Variants in ZNF397 observed in about 807,000 individuals in gnomAD.
ZNF397 encodes the protein zinc finger and SCAN domain-containing protein 15.
In ZNF397, 38 loss-of-function variants were observed where a neutral mutation model predicts 50.6. That is an observed-to-expected ratio of 0.75 (90% confidence interval 0.58 to 0.98). The LOEUF is 0.98. Ranked by LOEUF, ZNF397 falls within the 50% of genes least tolerant of loss-of-function variation. The probability of loss-of-function intolerance (pLI) is 0.00; values close to 1 mark genes in which losing one functional copy is unlikely to be tolerated. For synonymous variants in ZNF397, 228 were observed against 215.2 expected (o/e 1.06, Z -0.52); for missense variants, 624 against 624.1 (o/e 1.00, Z 0.00).
chr18:35,257,793 C>T (rs1038807622), intron 5 of ZNF397: 1 of 740,416 alleles, frequency 1.4e-6, no homozygotes, highest in African/African-American at 1.7e-5. Context: ...CAAGAAGAGA[C>T]AACTCTGCAG....
Position 35,242,645 on chromosome 18 carries a change from CA to C in ZNF397, c.176del (p.Gln59ArgfsTer10). ...FRQQFRKFCY[Q>X]ETPGPREALS... is the part of the protein sequence containing the mutation. ...TCAGCAATTCAGAAAATTTTGCTAC[CA>C]GGAGACACCTGGGCCCCGGGAGGCT... On this transcript the variant is annotated frameshift_variant, in exon 2 of 4. Coordinates refer to ENST00000330501, the MANE Select transcript of ZNF397 (RefSeq NM_001135178.3). LOFTEE classifies it high-confidence loss of function. 1 of 1,614,186 alleles carries C rather than the reference CA, an allele frequency of 6.2e-7. No homozygotes were observed. Among genetic ancestry groups the C allele is most frequent in the Non-Finnish European group, 8.5e-7 (1 of 1,180,036 alleles).
At chr18:35,252,422 A>G (rs1018541362), downstream of ZNF397, 9 of 152,128 alleles carry the variant, frequency 5.9e-5, no homozygotes, top group African/African-American at 2.2e-4. Context: ...TTCCCTGCCC[A>G]CACCCCTCCT....
intron 5 of ZNF397, among the ~76,000 whole-genome samples, chr18:35,256,874 A>C (rs2043842251): frequency 2.0e-5 from 3 of 152,168 alleles, no homozygotes; most frequent in African/African-American, 7.2e-5. Context: ...CCTGGACTCA[A>C]GGGATCCTCC....
Position 35,246,581 on chromosome 18 carries a change from TTG to T in ZNF397, c.*272_*273del, listed in dbSNP as rs2043486503. On this transcript the variant is annotated 3_prime_UTR_variant, in exon 4 of 4. Coordinates refer to ENST00000330501, the MANE Select transcript of ZNF397 (RefSeq NM_001135178.3). ...AAATACGAAAAGTGGGAATGTAACA[TTG>T]AAACCTCATTTTGTATGAAAGTGTC... is the stretch of plus-strand genomic sequence containing the variant. 1 of 1,214,064 alleles carries T rather than the reference TTG, an allele frequency of 8.2e-7. No homozygotes were observed. Among genetic ancestry groups the T allele is most frequent in the African/African-American group, 1.6e-5 (1 of 63,542 alleles). The allele number at this position is 1,214,064 out of a possible 1,614,324, so 75.2% of individuals were successfully genotyped here. A position where few individuals can be genotyped will look rare whatever the true frequency, so the allele number is the denominator to read the frequency against.
chr18:35,258,030 C>T, exon 6 of ZNF397: 1 of 779,998 alleles, frequency 1.3e-6, no homozygotes, highest in South Asian at 1.3e-5. Flanking sequence ...GAAGCACCTA[C>T]AAGAAACTTA....
rs2043493112 is a variant in ZNF397, at chr18:35,246,983, A to G, written c.*673A>G. The G allele has an allele frequency of 1.2e-6, 1 of 861,076 alleles. No individual in the cohort carries two copies. The highest frequency in any genetic ancestry group is 6.2e-5 in the Admixed American group (1 of 16,122). The allele number at this position is 861,076 out of a possible 1,614,324, so 53.3% of individuals were successfully genotyped here. A position where few individuals can be genotyped will look rare whatever the true frequency, so the allele number is the denominator to read the frequency against. On this transcript the variant is annotated 3_prime_UTR_variant, in exon 4 of 4. Coordinates refer to ENST00000330501, the MANE Select transcript of ZNF397 (RefSeq NM_001135178.3). ...AGTGGAATGCTCCTATGTGACCTTA[A>G]GGAGCACCTGACTCAGCCTTGGATA...
chr18:35,250,701 G>C (rs915374865), downstream of ZNF397, among the ~76,000 whole-genome samples: 1 of 152,130 alleles, frequency 6.6e-6, no homozygotes, highest in African/African-American at 2.4e-5. Flanking sequence ...TCTAAGCTTG[G>C]TCCTTCTCAG....
At chr18:35,243,118 T>G (rs781250138) in intron 2 of ZNF397, 34 bp from the exon 3 acceptor site, 139 of 1,611,302 alleles carry the variant, frequency 8.6e-5, no homozygotes, top group Non-Finnish European at 1.1e-4. Context: ...TTAGGGATTT[T>G]CTCACAAAGC....
chr18:35,246,047 A>G lies in ZNF397; in HGVS notation c.1342A>G (p.Ser448Gly), dbSNP rs773278899. The stretch of plus-strand genomic sequence containing the variant: ...GCTGATTACTCATCAGAGAATACAT[A>G]GTGGAGAGAAACCCTATGAATGTAG... ...SELITHQRIH[S>G]GEKPYECSEC... Residue 448 changes from serine (S) to glycine (G), a missense_variant, in exon 4 of 4, where the codon AGT becomes GGT. Physicochemically the swap from Ser to Gly is moderately conservative, Grantham distance 56. Coordinates refer to ENST00000330501, the MANE Select transcript of ZNF397 (RefSeq NM_001135178.3). The G allele has an allele frequency of 1.3e-6, 2 of 1,563,994 alleles. No homozygotes were observed. Among genetic ancestry groups the G allele is most frequent in the African/African-American group, 1.4e-5 (1 of 73,448 alleles).
intron 3 of ZNF397, among the ~76,000 whole-genome samples, chr18:35,244,793 GC>G (rs2143591535): frequency 6.6e-6 from 1 of 152,190 alleles, no homozygotes; most frequent in East Asian, 1.9e-4. Context: ...GGACAGTAAG[GC>G]AGAAACCAGA....
Position 35,245,258 on chromosome 18 carries a change from T to G in ZNF397, c.557-4T>G. On this transcript the variant is annotated splice_region_variant and splice_polypyrimidine_tract_variant and intron_variant, in intron 3 of 3. Transcript: ENST00000330501. ...ATCTGTTTTTTTGCTACTTATTGTT[T>G]CAGATTGTGAGAACAGTGAAACAGC... The G allele has an allele frequency of 6.3e-7, 1 of 1,581,538 alleles. No homozygotes were observed. Among genetic ancestry groups the G allele is most frequent in the East Asian group, 2.3e-5 (1 of 44,358 alleles).
rs1324660943 is a variant in ZNF397, at chr18:35,247,342, CATGAGGGTGGTGGTGGGA to C, written c.*1042_*1059del. 2 of 184,900 alleles carry C rather than the reference CATGAGGGTGGTGGTGGGA, an allele frequency of 1.1e-5. No homozygotes were observed. The highest frequency in any genetic ancestry group is 4.8e-5 in the African/African-American group (2 of 42,046). The allele number at this position is 184,900 out of a possible 1,614,324, so 11.5% of individuals were successfully genotyped here. A position where few individuals can be genotyped will look rare whatever the true frequency, so the allele number is the denominator to read the frequency against. On this transcript the variant is annotated 3_prime_UTR_variant, in exon 4 of 4. Coordinates refer to ENST00000330501, the MANE Select transcript of ZNF397 (RefSeq NM_001135178.3). ...AACCTGTAGGCTATCCTAGAACTTC[CATGAGGGTGGTGGTGGGA>C]ATGAGGGTGAGAAAGAGCCCAGCCT...
chr18:35,254,258 T>C, downstream of ZNF397: 1 of 1,614,164 alleles, frequency 6.2e-7, no homozygotes, highest in Non-Finnish European at 8.5e-7. Context: ...CAAAGCTTCT[T>C]CAGCTATCCG....
intron 3 of ZNF397, chr18:35,244,180 T>G (rs1375473272): frequency 6.5e-6 from 1 of 154,434 alleles, no homozygotes; most frequent in African/African-American, 2.4e-5. Flanking sequence ...CAACAGCATT[T>G]AAGTTGTTTT....
intron 3 of ZNF397, among the ~76,000 whole-genome samples, chr18:35,244,308 A>G (rs961548078): frequency 7.0e-4 from 107 of 152,252 alleles, no homozygotes; most frequent in African/African-American, 2.3e-3. Context: ...ATGAGAAAAC[A>G]TAAGGAAAAA....
chr18:35,246,431 T>C lies in ZNF397; in HGVS notation c.*121T>C. 6.9e-7 allele frequency: 1 copy of C among 1,449,280 alleles called. No individual in the cohort carries two copies. Among genetic ancestry groups the C allele is most frequent in the Non-Finnish European group, 9.1e-7 (1 of 1,103,236 alleles). 89.8% of individuals were successfully genotyped at this position (1,449,280 alleles called of 1,614,324 possible). ...TAAAATACTAGGTCTTGAGTCTAGC[T>C]TGCTTTGTGCAGCATTTCCCAGTGC... On this transcript the variant is annotated 3_prime_UTR_variant, in exon 4 of 4. Transcript: ENST00000330501.
Position 35,245,446 on chromosome 18 carries a change from C to G in ZNF397, c.741C>G (p.Ile247Met). ...PSQGGSFSQV[I>M]FTNKSLGKRD... ...AAGGGGGCAGTTTTAGTCAAGTGATCTTCACAAACAAATCTCTAGGAAAGA... is the reference window on the plus strand; with the variant it reads ...AAGGGGGCAGTTTTAGTCAAGTGATGTTCACAAACAAATCTCTAGGAAAGA... The change falls in exon 4 of 4, where the codon ATC becomes ATG. Residue 247 changes from isoleucine (I) to methionine (M), a missense_variant. Transcript: ENST00000330501. 6.4e-7 allele frequency: 1 copy of G among 1,557,448 alleles called. No homozygotes were observed. Among genetic ancestry groups the G allele is most frequent in the Non-Finnish European group, 8.7e-7 (1 of 1,150,058 alleles).
Position 35,246,079 on chromosome 18 carries a change from T to G in ZNF397, c.1374T>G (p.Cys458Trp). ...SGEKPYECSE[C>W]GKAFSLSSNL... ...AGAAACCCTATGAATGTAGTGAATG[T>G]GGAAAAGCTTTCAGTTTGAGCTCAA... Residue 458 changes from cysteine to tryptophan, a missense_variant, in exon 4 of 4, where the codon TGT (cysteine) becomes TGG (tryptophan). Coordinates refer to ENST00000330501, the MANE Select transcript of ZNF397 (RefSeq NM_001135178.3). 6.4e-7 allele frequency: 1 copy of G among 1,557,700 alleles called. No homozygotes were observed. Among genetic ancestry groups the G allele is most frequent in the Non-Finnish European group, 8.7e-7 (1 of 1,150,624 alleles).
chr18:35,255,799 G>T (rs2043789250), intron 5 of ZNF397: 1 of 154,230 alleles, frequency 6.5e-6, no homozygotes, highest in Non-Finnish European at 1.5e-5. Flanking sequence ...AATTCATATT[G>T]TCCTTGGATT....
Sources: gnomAD v4.1 joint callset for allele counts (sites outside exome capture counted in the v4.1 genomes callset) on GRCh38, gnomAD v4.1.1 for gene constraint, MANE v1.5 for transcripts, NCBI Gene and HGNC (gene_info 2026-07-23, HGNC 2026-07-21) for gene names.